LPXN: variants seen among roughly 807,000 people sequenced by gnomAD.
LPXN encodes leupaxin.
In LPXN, 28 loss-of-function variants were observed where a neutral mutation model predicts 45.6. The observed-to-expected ratio is 0.61, with a 90% CI of 0.45 to 0.84. The LOEUF (loss-of-function observed/expected upper bound fraction) is 0.84. LPXN is among the 40% of genes least tolerant of loss of function. LPXN has a pLI of 0.00. For missense variants in LPXN, 459 were observed against 475.0 expected, an observed-to-expected ratio of 0.97 and a Z score of 0.31; for synonymous variants, 166 against 169.9, an observed-to-expected ratio of 0.98 and a Z score of 0.18.
upstream of LPXN, among the ~76,000 whole-genome samples, chr11:58,576,171 CTTTT>C (rs889631383): frequency 9.3e-5 from 14 of 150,226 alleles, no homozygotes; most frequent in South Asian, 2.1e-4. Flanking sequence ...GAGCATCTTT[CTTTT>C]TTCTTTTTTT....
At chr11:58,576,097 T>C (rs912866246), upstream of LPXN, among the ~76,000 whole-genome samples, 5 of 152,140 alleles carry the variant, frequency 3.3e-5, no homozygotes, top group African/African-American at 4.8e-5. Flanking sequence ...CCAGGATTCA[T>C]CTTGGATTCA....
At chr11:58,571,663 CTTTTTTT>C (rs549063326) in intron 1 of LPXN, among the ~76,000 whole-genome samples, 1 of 132,998 alleles carries the variant, frequency 7.5e-6, no homozygotes, top group South Asian at 2.4e-4. Context: ...AGTTTTTTTT[CTTTTTTT>C]TTTTTTGGAA....
At chr11:58,558,513 G>T (rs1220862950) in intron 3 of LPXN, among the ~76,000 whole-genome samples, 2 of 116,274 alleles carry the variant, frequency 1.7e-5, no homozygotes, top group Non-Finnish European at 3.3e-5. Flanking sequence ...TGCCAGCCTG[G>T]ACAACAGAAG....
chr11:58,578,252 CTGCCTCCCG>C, upstream of LPXN: 1 of 567,194 alleles, frequency 1.8e-6, no homozygotes. Context: ...CCCGGAAACA[CTGCCTCCCG>C]AAAAAAAGGT....
intron 7 of LPXN, among the ~76,000 whole-genome samples, chr11:58,544,666 T>C (rs533919349): frequency 7.9e-5 from 12 of 152,288 alleles, no homozygotes; most frequent in South Asian, 4.1e-4. Flanking sequence ...TTTCAGCTCT[T>C]GCTTTCTTGG....
At chr11:58,544,800 G>T (rs1160236467) in intron 7 of LPXN, among the ~76,000 whole-genome samples, 1 of 152,090 alleles carries the variant, frequency 6.6e-6, no homozygotes, top group East Asian at 1.9e-4. Context: ...GGAAATTAGG[G>T]AGCACCTGCA....
upstream of LPXN, among the ~76,000 whole-genome samples, chr11:58,578,698 T>C (rs1294603270): frequency 6.6e-6 from 1 of 152,044 alleles, no homozygotes; most frequent in Admixed American, 6.5e-5. Context: ...GCCCTTGTGG[T>C]ATCAGTGGCT....
Position 58,550,053 on chromosome 11 carries a change from T to A in LPXN, c.580A>T (p.Ser194Cys). Residue 194 changes from serine (S) to cysteine (C), a missense_variant, in exon 6 of 9, where the codon AGT (serine) becomes TGT (cysteine). Transcript: ENST00000395074. ...TCGTTGGGGCAGTAGGCCAAGCCAC[T>A]CCGCTCAAAGAAGGGACTGGAGCCA... The part of the protein sequence containing the change: ...EIGSSPFFER[S>C]GLAYCPNDYH... The A allele has an allele frequency of 6.2e-7, 1 of 1,614,146 alleles. No homozygotes were observed. Among genetic ancestry groups the A allele is most frequent in the Middle Eastern group, 1.6e-4 (1 of 6,062 alleles).
intron 2 of LPXN, among the ~76,000 whole-genome samples, chr11:58,567,926 T>C (rs1854571687): frequency 6.6e-6 from 1 of 152,218 alleles, no homozygotes; most frequent in Admixed American, 6.5e-5. Flanking sequence ...ACTGCTTTAA[T>C]AAAACAATTA....
intron 7 of LPXN, among the ~76,000 whole-genome samples, chr11:58,531,419 A>T (rs151248827): frequency 0.03 from 4,523 of 152,026 alleles, 226 homozygotes; most frequent in African/African-American, 0.1. Flanking sequence ...ATACACAAGT[A>T]TCAATAGCTG....
intron 7 of LPXN, among the ~76,000 whole-genome samples, chr11:58,547,041 T>G (rs1266719645): frequency 6.6e-6 from 1 of 150,936 alleles, no homozygotes; most frequent in East Asian, 2.0e-4. Flanking sequence ...ACTCAGAGAG[T>G]TGGATATGTG....
chr11:58,545,671 T>A (rs1258194452), intron 7 of LPXN, among the ~76,000 whole-genome samples: 1 of 152,166 alleles, frequency 6.6e-6, no homozygotes, highest in African/African-American at 2.4e-5. Flanking sequence ...AAATAAAGCA[T>A]ATCGTGTTGG....
intron 7 of LPXN, among the ~76,000 whole-genome samples, chr11:58,544,892 T>C (rs1056531145): frequency 1.3e-5 from 2 of 152,128 alleles, no homozygotes; most frequent in African/African-American, 4.8e-5. Context: ...CAAGGACCAA[T>C]GACTTGAGCC....
At chr11:58,572,475 A>G (rs1054839459) in intron 1 of LPXN, among the ~76,000 whole-genome samples, 1 of 152,150 alleles carries the variant, frequency 6.6e-6, no homozygotes, top group Non-Finnish European at 1.5e-5. Context: ...ACTTATAATA[A>G]ATTTCAGTGT....
intron 7 of LPXN, among the ~76,000 whole-genome samples, chr11:58,528,533 G>C (rs1441810401): frequency 6.6e-6 from 1 of 152,178 alleles, no homozygotes; most frequent in Non-Finnish European, 1.5e-5. Flanking sequence ...CATCTTATCA[G>C]AGAGGCATCT....
At chr11:58,560,639 A>C (rs1854345660) in intron 3 of LPXN, among the ~76,000 whole-genome samples, 2 of 152,186 alleles carry the variant, frequency 1.3e-5, no homozygotes, top group Admixed American at 1.3e-4. Flanking sequence ...ACAGAGCTTT[A>C]CACAGGTTCT....
intron 7 of LPXN, among the ~76,000 whole-genome samples, chr11:58,536,317 G>C (rs1853551872): frequency 6.6e-6 from 1 of 152,118 alleles, no homozygotes; most frequent in East Asian, 1.9e-4. Flanking sequence ...CAGATATATA[G>C]ATCAATGGAC....
chr11:58,573,960 C>A (rs906617677), intron 1 of LPXN, among the ~76,000 whole-genome samples: 1 of 152,116 alleles, frequency 6.6e-6, no homozygotes, highest in Non-Finnish European at 1.5e-5. Flanking sequence ...TGGGTGTATA[C>A]AAGCTGCTAG....
intron 1 of LPXN, among the ~76,000 whole-genome samples, chr11:58,573,999 T>C (rs1055866774): frequency 1.3e-5 from 2 of 152,092 alleles, no homozygotes; most frequent in African/African-American, 4.8e-5. Context: ...AGACAGGAAA[T>C]ATTTGCTCAC....
Sources: gnomAD v4.1 joint callset for allele counts (sites outside exome capture counted in the v4.1 genomes callset) on GRCh38, gnomAD v4.1.1 for gene constraint, MANE v1.5 for transcripts, NCBI Gene and HGNC (gene_info 2026-07-23, HGNC 2026-07-21) for gene names.